Variants in ADAM10 observed in about 807,000 individuals in gnomAD.
The protein encoded by ADAM10 is disintegrin and metalloproteinase domain-containing protein 10.
In ADAM10, 17 loss-of-function variants were observed where a neutral mutation model predicts 90.1. The observed-to-expected ratio is 0.19, with a 90% CI of 0.13 to 0.28. ADAM10 has a LOEUF of 0.28. Ranked by LOEUF, ADAM10 falls within the 10% of genes least tolerant of loss-of-function variation. The probability of loss-of-function intolerance (pLI) is 1.00; values close to 1 mark genes in which losing one functional copy is unlikely to be tolerated. For synonymous variants in ADAM10, 310 were observed against 298.6 expected (o/e 1.04, Z -0.40); for missense variants, 610 against 914.3 (o/e 0.67, Z 4.29).
intron 2 of ADAM10, chr15:58,698,402 T>G: frequency 6.5e-6 from 1 of 154,968 alleles, no homozygotes; most frequent in Non-Finnish European, 1.1e-5. Flanking sequence ...CAAAACCCCA[T>G]CTCTAAAAAA....
chr15:58,728,498 T>C (rs1011885253), intron 1 of ADAM10, among the ~76,000 whole-genome samples: 2 of 151,976 alleles, frequency 1.3e-5, no homozygotes, highest in Non-Finnish European at 1.5e-5. Context: ...AAGCCCAGCA[T>C]TTTGGGAGGC....
intron 2 of ADAM10, chr15:58,691,962 C>A (rs866821808): frequency 4.7e-6 from 2 of 422,628 alleles, no homozygotes; most frequent in Non-Finnish European, 9.5e-6. Context: ...AGGCGTGAGC[C>A]ACCATGCCCA....
intron 1 of ADAM10, among the ~76,000 whole-genome samples, chr15:58,737,139 G>A (rs1899456440): frequency 6.6e-6 from 1 of 151,994 alleles, no homozygotes; most frequent in African/African-American, 2.4e-5. Context: ...TTTTCTCAAA[G>A]TCGCCAGGAT....
intron 2 of ADAM10, chr15:58,698,407 A>T: frequency 8.5e-5 from 3 of 35,358 alleles, no homozygotes; most frequent in Non-Finnish European, 1.2e-4. Flanking sequence ...CCCCATCTCT[A>T]AAAAAAAAAA....
chr15:58,727,225 T>TC (rs1279149511), intron 1 of ADAM10, among the ~76,000 whole-genome samples: 1 of 134,350 alleles, frequency 7.4e-6, no homozygotes, highest in East Asian at 2.7e-4. Context: ...AGCGTTTCGC[T>TC]CGTTGCCCAG....
Position 58,592,480 on chromosome 15 carries a change from T to C in ADAM10, c.*5067A>G, listed in dbSNP as rs1259299266. ...CAGTGGTAACTTCTAAGGTGCCTCC[T>C]GAATCTTTCTGATCTGGTACAAAAC... On this transcript the variant is annotated 3_prime_UTR_variant, in exon 16 of 16. Coordinates refer to ENST00000260408, the MANE Select transcript of ADAM10 (RefSeq NM_001110.4). The C allele has an allele frequency of 6.6e-6, 1 of 152,206 alleles. No individual in the cohort carries two copies. The highest frequency in any genetic ancestry group is 2.4e-5 in the African/African-American group (1 of 41,456). 9.4% of individuals were successfully genotyped at this position (152,206 alleles called of 1,614,324 possible).
At chr15:58,686,476 C>T (rs1369874687) in intron 2 of ADAM10, 10 of 1,393,854 alleles carry the variant, frequency 7.2e-6, no homozygotes, top group African/African-American at 2.8e-5. Context: ...TGGAGGCTGG[C>T]GTGGAGAGGA....
intron 4 of ADAM10, among the ~76,000 whole-genome samples, chr15:58,668,006 C>T (rs1324653870): frequency 6.6e-6 from 1 of 152,054 alleles, no homozygotes; most frequent in African/African-American, 2.4e-5. Context: ...ACTCACAACA[C>T]TGATCTCTCT....
At chr15:58,655,603 T>C (rs761587537) in intron 5 of ADAM10, among the ~76,000 whole-genome samples, 1 of 148,138 alleles carries the variant, frequency 6.8e-6, no homozygotes, top group Non-Finnish European at 1.5e-5. Flanking sequence ...CCAAACTATA[T>C]TAATATATAT....
intron 5 of ADAM10, among the ~76,000 whole-genome samples, chr15:58,652,665 A>T (rs1460486449): frequency 3.9e-5 from 6 of 152,166 alleles, no homozygotes; most frequent in African/African-American, 1.4e-4. Flanking sequence ...GAAGTCAGGT[A>T]ATATGATTCC....
intron 2 of ADAM10, among the ~76,000 whole-genome samples, chr15:58,716,370 A>T (rs940178603): frequency 5.3e-5 from 8 of 152,230 alleles, no homozygotes; most frequent in African/African-American, 1.9e-4. Flanking sequence ...AATGATGCCA[A>T]TGATTCAGAT....
chr15:58,634,601 T>A (rs1459215165), intron 8 of ADAM10, among the ~76,000 whole-genome samples: 4 of 152,190 alleles, frequency 2.6e-5, no homozygotes, highest in African/African-American at 9.7e-5. Context: ...TCTGGTCAAT[T>A]CATGCCTTTA....
At position 58,592,641 on chromosome 15, in the gene ADAM10, G is replaced by C. The variant is rs2140980041; in HGVS notation, c.*4906C>G. On this transcript the variant is annotated 3_prime_UTR_variant, in exon 16 of 16. Coordinates refer to ENST00000260408, the MANE Select transcript of ADAM10 (RefSeq NM_001110.4). ...AGGGCACTCAATTTGACTTGCATTT[G>C]AATTATGTCTAAAGCTAATCAACTG... 1 of 152,082 alleles carries C rather than the reference G, an allele frequency of 6.6e-6. No individual in the cohort carries two copies. The highest frequency in any genetic ancestry group is 3.4e-3 in the Middle Eastern group (1 of 294). The allele number at this position is 152,082 out of a possible 1,614,324, so 9.4% of individuals were successfully genotyped here. A position where few individuals can be genotyped will look rare whatever the true frequency, so the allele number is the denominator to read the frequency against.
chr15:58,663,669 A>C (rs1897018464), intron 5 of ADAM10, among the ~76,000 whole-genome samples: 2 of 152,138 alleles, frequency 1.3e-5, no homozygotes, highest in Admixed American at 1.3e-4. Context: ...TTATAATATT[A>C]TTATTTCCCA....
intron 1 of ADAM10, among the ~76,000 whole-genome samples, chr15:58,731,615 G>A (rs184080290): frequency 3.0e-4 from 45 of 152,180 alleles, no homozygotes; most frequent in Non-Finnish European, 2.4e-4. Flanking sequence ...GTGAGAGAGT[G>A]AGACCCTGTC....
intron 1 of ADAM10, among the ~76,000 whole-genome samples, chr15:58,727,896 GAAGA>G (rs1899092604): frequency 6.6e-6 from 1 of 152,074 alleles, no homozygotes; most frequent in Non-Finnish European, 1.5e-5. Flanking sequence ...CAAAGTATGT[GAAGA>G]AAAAGTTGAT....
intron 3 of ADAM10, among the ~76,000 whole-genome samples, chr15:58,679,974 T>C (rs914888261): frequency 7.2e-5 from 11 of 152,082 alleles, no homozygotes; most frequent in Non-Finnish European, 1.3e-4. Context: ...ACTGATAAAA[T>C]ACACACTTTC....
At chr15:58,710,307 C>T (rs1898435020) in intron 2 of ADAM10, among the ~76,000 whole-genome samples, 1 of 152,162 alleles carries the variant, frequency 6.6e-6, no homozygotes, top group South Asian at 2.1e-4. Context: ...ATATCTAAGA[C>T]ACTAAACTCA....
At chr15:58,648,428 C>T (rs374221489) in intron 5 of ADAM10, among the ~76,000 whole-genome samples, 2 of 152,000 alleles carry the variant, frequency 1.3e-5, no homozygotes, top group African/African-American at 4.8e-5. Flanking sequence ...TGTTATTCCA[C>T]ACAAAAAGGA....
Sources: gnomAD v4.1 joint callset for allele counts (sites outside exome capture counted in the v4.1 genomes callset) on GRCh38, gnomAD v4.1.1 for gene constraint, MANE v1.5 for transcripts, NCBI Gene and HGNC (gene_info 2026-07-23, HGNC 2026-07-21) for gene names.